MAP3K15: variants seen among roughly 807,000 people sequenced by gnomAD.
MAP3K15 encodes the protein mitogen-activated protein kinase kinase kinase 15.
MAP3K15 carries 124 observed loss-of-function variants against 99.5 expected under a neutral mutation model. That is an observed-to-expected ratio of 1.25 (90% confidence interval 1.08 to 1.45). MAP3K15 has a LOEUF of 1.45. Ranked by LOEUF, MAP3K15 falls within the 40% of genes most tolerant of loss-of-function variation. MAP3K15 has a pLI of 0.00. For synonymous variants in MAP3K15, 494 were observed against 439.6 expected, an observed-to-expected ratio of 1.12 and a Z score of -1.55; for missense variants, 1,242 against 1,079.7, an observed-to-expected ratio of 1.15 and a Z score of -2.11.
chrX:19,454,644 C>T (rs1221747659), intron 6 of MAP3K15, among the ~76,000 whole-genome samples: 1 of 111,767 alleles, frequency 8.9e-6, no homozygotes, highest in Non-Finnish European at 1.9e-5. Flanking sequence ...GCTCCACTTC[C>T]TGAGAGCTAA....
intron 9 of MAP3K15, among the ~76,000 whole-genome samples, chrX:19,419,911 A>C (rs1278010451): frequency 8.9e-6 from 1 of 112,189 alleles, no homozygotes; most frequent in Non-Finnish European, 1.9e-5. Flanking sequence ...AACTACATGG[A>C]AACTGAACAA....
chrX:19,515,306 G>A lies in MAP3K15; in HGVS notation c.-45C>T. 1 of 819,273 alleles carries A rather than the reference G, an allele frequency of 1.2e-6. No individual in the cohort carries two copies. The allele number at this position is 819,273 out of a possible 1,213,427, so 67.5% of individuals were successfully genotyped here. ...TCCCCTGGGCGAGTGGCCAGCGGCT[G>A]CGATCCGCTAGGAGGCACAAGTTAC... On this transcript the variant is annotated 5_prime_UTR_variant, in exon 1 of 29. Coordinates refer to ENST00000338883, the MANE Select transcript of MAP3K15 (RefSeq NM_001001671.4).
At chrX:19,445,983 A>AATAAATAT (rs2063995577) in intron 6 of MAP3K15, among the ~76,000 whole-genome samples, 1 of 110,874 alleles carries the variant, frequency 9.0e-6, no homozygotes, top group Admixed American at 9.6e-5. Context: ...TAAATAAATA[A>AATAAATAT]ATATTAATCA....
chrX:19,444,532 G>A (rs1360029817), intron 6 of MAP3K15, among the ~76,000 whole-genome samples: 1 of 111,703 alleles, frequency 9.0e-6, no homozygotes, highest in South Asian at 3.8e-4. Context: ...AACCACTTTT[G>A]AATAAAGAAA....
intron 26 of MAP3K15, among the ~76,000 whole-genome samples, chrX:19,362,149 G>A (rs755051308): frequency 2.7e-5 from 3 of 109,302 alleles, no homozygotes; most frequent in East Asian, 2.9e-4. Context: ...AATCAGTCCC[G>A]TCACCTCCCC....
chrX:19,515,339 G>A lies in MAP3K15; in HGVS notation c.-78C>T, dbSNP rs2064555468. On this transcript the variant is annotated 5_prime_UTR_variant, in exon 1 of 29. Transcript: ENST00000338883. Reference sequence around the variant, plus strand: ...CTAGGAGGCACAAGTTACAGCAGCCGCGCAGGCGGTCCCGGCACCTGCTCC... The same window carrying A: ...CTAGGAGGCACAAGTTACAGCAGCCACGCAGGCGGTCCCGGCACCTGCTCC... 1.5e-6 allele frequency: 1 copy of A among 655,206 alleles called. No homozygotes were observed. The highest frequency in any genetic ancestry group is 1.9e-6 in the Non-Finnish European group (1 of 535,135). The allele number at this position is 655,206 out of a possible 1,213,427, so 54.0% of individuals were successfully genotyped here.
intron 3 of MAP3K15, among the ~76,000 whole-genome samples, chrX:19,474,517 C>T (rs2064227686): frequency 1.1e-5 from 1 of 87,499 alleles, no homozygotes; most frequent in Non-Finnish European, 2.2e-5. Context: ...GAGTTCTAAA[C>T]CTGAGATCCA....
chrX:19,452,861 T>A (rs1173870771), intron 6 of MAP3K15, among the ~76,000 whole-genome samples: 1 of 111,345 alleles, frequency 9.0e-6, no homozygotes. Context: ...TTTTTTTTTT[T>A]AGCTCATCAG....
rs1028793643 is a variant in MAP3K15 at position 19,411,335 on chromosome X, C to T, written c.1699-1362G>A. Among the ~76,000 whole-genome samples the T allele has an allele frequency of 1.7e-4, 19 of 112,184 alleles. 1 individual carries two copies. The highest frequency in any genetic ancestry group is 6.1e-4 in the African/African-American group (19 of 30,898). ...AGGCACATGACTAGTTTCTTGCCAT[C>T]CTGGAGCAATGACAACAGGAACAGA... On this transcript the variant is annotated intron_variant, in intron 11 of 28. Coordinates refer to ENST00000338883, the MANE Select transcript of MAP3K15 (RefSeq NM_001001671.4).
chrX:19,392,046 G>T lies in MAP3K15; in HGVS notation c.2387C>A (p.Ser796Ter). 1 of 1,211,286 alleles carries T rather than the reference G, an allele frequency of 8.3e-7. No homozygotes were observed. Among genetic ancestry groups the T allele is most frequent in the Non-Finnish European group, 1.1e-6 (1 of 894,988 alleles). ...GGGGTTCACACCCGCAAGACGTTTC[G>T]AGGTTCCAAAATCGGAGATTTTCAC... ...GVVKISDFGT[S>*]KRLAGVNPCT... Residue 796 changes from serine to a stop codon, truncating the protein, a stop_gained, in exon 18 of 29, where the codon TCG becomes TAG. Transcript: ENST00000338883. LOFTEE classifies it high-confidence loss of function.
intron 9 of MAP3K15, among the ~76,000 whole-genome samples, chrX:19,422,433 A>C (rs780743241): frequency 1.8e-5 from 2 of 112,091 alleles, no homozygotes; most frequent in Non-Finnish European, 3.8e-5. Context: ...TGAAAAAATG[A>C]TCATCACTGG....
At chrX:19,471,346 C>A (rs771008222) in intron 3 of MAP3K15, among the ~76,000 whole-genome samples, 3 of 109,967 alleles carry the variant, frequency 2.7e-5, no homozygotes, top group Admixed American at 9.8e-5. Context: ...ATCACCACAA[C>A]CTCCGTCTAC....
At chrX:19,377,731 G>A (rs772279872) in intron 19 of MAP3K15, among the ~76,000 whole-genome samples, 11 of 111,544 alleles carry the variant, frequency 9.9e-5, no homozygotes, top group East Asian at 8.4e-4. Context: ...TGTTTTCCTC[G>A]TCACCAGCTG....
chrX:19,370,750 A>G (rs910717829), intron 24 of MAP3K15, among the ~76,000 whole-genome samples: 3 of 111,813 alleles, frequency 2.7e-5, no homozygotes, highest in African/African-American at 9.8e-5. Flanking sequence ...CACCTTCATC[A>G]TGCTTCAGGG....
chrX:19,499,689 A>C (rs2064428829), intron 1 of MAP3K15, among the ~76,000 whole-genome samples: 1 of 112,302 alleles, frequency 8.9e-6, no homozygotes, highest in African/African-American at 3.2e-5. Flanking sequence ...CAGACACCAA[A>C]GAATACATAT....
chrX:19,475,192 G>A (rs1328687764), intron 3 of MAP3K15, among the ~76,000 whole-genome samples: 1 of 111,170 alleles, frequency 9.0e-6, no homozygotes, highest in Non-Finnish European at 1.9e-5. Context: ...CACAGTGAGA[G>A]ATCATCAGGC....
At chrX:19,484,222 C>T (rs1602344402) in intron 3 of MAP3K15, among the ~76,000 whole-genome samples, 1 of 111,580 alleles carries the variant, frequency 9.0e-6, no homozygotes, top group East Asian at 2.8e-4. Context: ...GTCTGAACTC[C>T]ACCTCCTGTC....
chrX:19,515,106 C>A lies in MAP3K15; in HGVS notation c.156G>T (p.Glu52Asp). The A allele has an allele frequency of 1.2e-6, 1 of 842,179 alleles. No individual in the cohort carries two copies. The highest frequency in any genetic ancestry group is 1.5e-6 in the Non-Finnish European group (1 of 667,669). The allele number at this position is 842,179 out of a possible 1,213,427, so 69.4% of individuals were successfully genotyped here. A position where few individuals can be genotyped will look rare whatever the true frequency, so the allele number is the denominator to read the frequency against. The change falls in exon 1 of 29, where the codon GAG becomes GAT. Residue 52 changes from glutamate (E) to aspartate (D), a missense_variant. By Grantham distance (45) the Glu-to-Asp change is conservative. Coordinates refer to ENST00000338883, the MANE Select transcript of MAP3K15 (RefSeq NM_001001671.4). ...GAGCCCGCCGCGGCCCGCCCCCACT[C>A]TCGCCCTCGCCGCTGCCGCCTGCCG... ...EGAAGGSGEG[E>D]SGGGPRRALR...
At chrX:19,361,275 T>C (rs2063283348) in intron 28 of MAP3K15, 64 bp downstream of exon 28, 6 of 936,147 alleles carry the variant, frequency 6.4e-6, no homozygotes, top group South Asian at 4.5e-5. Flanking sequence ...TGTTTTCTGC[T>C]CTTGAAGCAT....
Sources: gnomAD v4.1 joint callset for allele counts (sites outside exome capture counted in the v4.1 genomes callset) on GRCh38, gnomAD v4.1.1 for gene constraint, MANE v1.5 for transcripts, NCBI Gene and HGNC (gene_info 2026-07-23, HGNC 2026-07-21) for gene names.